DNAH11: variants seen among roughly 807,000 people sequenced by gnomAD.
DNAH11 encodes axonemal beta dynein heavy chain 11.
DNAH11 carries 442 observed loss-of-function variants against 526.0 expected under a neutral mutation model. The ratio of observed to expected loss-of-function variants is 0.84; its 90% CI spans 0.78 to 0.91. DNAH11 has a LOEUF of 0.91. Among genes scored for constraint, DNAH11 ranks in the 40% least tolerant of loss-of-function variants. The pLI, the probability that DNAH11 is intolerant of heterozygous loss-of-function variation, is 0.00. For synonymous variants in DNAH11, 2,461 were observed against 1,935.9 expected (o/e 1.27, Z -7.12); for missense variants, 6,989 against 5,448.7 (o/e 1.28, Z -8.90).
intron 66 of DNAH11, among the ~76,000 whole-genome samples, chr7:21,844,377 A>G (rs1306204747): frequency 6.6e-6 from 1 of 152,248 alleles, no homozygotes; most frequent in Non-Finnish European, 1.5e-5. Flanking sequence ...GTGTGCCAGG[A>G]TAGTGCCACT....
chr7:21,597,286 T>G (rs1250170464), intron 14 of DNAH11, among the ~76,000 whole-genome samples: 2 of 152,082 alleles, frequency 1.3e-5, no homozygotes, highest in African/African-American at 4.8e-5. Context: ...GACCGTGACA[T>G]GATGGGAAAG....
At chr7:21,549,118 A>T (rs1782919323) in intron 2 of DNAH11, among the ~76,000 whole-genome samples, 1 of 152,092 alleles carries the variant, frequency 6.6e-6, no homozygotes, top group Non-Finnish European at 1.5e-5. Context: ...ACCTCAGGTG[A>T]TACACTCACC....
chr7:21,893,133 T>A (rs1256036770), intron 77 of DNAH11, among the ~76,000 whole-genome samples: 1 of 152,222 alleles, frequency 6.6e-6, no homozygotes, highest in East Asian at 1.9e-4. Flanking sequence ...ACCATGAACA[T>A]TCTTCTGCAG....
At chr7:21,749,547 T>C in intron 52 of DNAH11, 131 bp from the exon 53 acceptor site, 1 of 1,190,478 alleles carries the variant, frequency 8.4e-7, no homozygotes, top group South Asian at 1.7e-5. Flanking sequence ...AGAAGGAATA[T>C]GTAAACCAGG....
intron 6 of DNAH11, among the ~76,000 whole-genome samples, chr7:21,568,654 C>T (rs145976540): frequency 3.3e-5 from 5 of 152,270 alleles, no homozygotes; most frequent in Non-Finnish European, 5.9e-5. Context: ...ATTGTCTCAT[C>T]TATGCGAGGG....
At chr7:21,789,808 T>TCTTTCTTTCTTTCTTC in intron 61 of DNAH11, among the ~76,000 whole-genome samples, 3 of 34,084 alleles carry the variant, frequency 8.8e-5, no homozygotes, top group African/African-American at 2.4e-4. Flanking sequence ...TTTCTTTCTT[T>TCTTTCTTTCTTTCTTC]TTTCTTTCTT....
intron 9 of DNAH11, among the ~76,000 whole-genome samples, chr7:21,582,548 T>C (rs1784348121): frequency 6.6e-6 from 1 of 152,170 alleles, no homozygotes; most frequent in African/African-American, 2.4e-5. Context: ...GCATAATGTA[T>C]TTCAGTCGCA....
chr7:21,623,974 TAATAA>T (rs942990206), intron 25 of DNAH11, among the ~76,000 whole-genome samples: 27 of 150,650 alleles, frequency 1.8e-4, no homozygotes, highest in Admixed American at 7.9e-4. Flanking sequence ...ATAATAATAA[TAATAA>T]AATAAAAATA....
At position 21,718,042 on chromosome 7, in the gene DNAH11, G is replaced by T. The variant is rs563064872; in HGVS notation, c.7134+117G>T. ...AGTGAGAAGATTTCTGGAATTGTTA[G>T]ATTGCTGCAACCCTCTTGCCCCCGC... On this transcript the variant is annotated intron_variant, in intron 43 of 81. Transcript: ENST00000409508. The T allele has an allele frequency of 3.2e-4, 447 of 1,417,368 alleles. 1 individual carries two copies. The highest frequency in any genetic ancestry group is 2.1e-3 in the Middle Eastern group (11 of 5,188). 87.8% of individuals were successfully genotyped at this position (1,417,368 alleles called of 1,614,324 possible). A position where few individuals can be genotyped will look rare whatever the true frequency, so the allele number is the denominator to read the frequency against.
At position 21,839,129 on chromosome 7, in the gene DNAH11, T is replaced by A. The variant is rs150598267; in HGVS notation, c.10692-3415T>A. ...TCTTTTCATATGCTTATTGGTCATT[T>A]GTGTTTCTTCTTTGGAGAAATGTTT... is the stretch of plus-strand genomic sequence containing the variant. On this transcript the variant is annotated intron_variant, in intron 65 of 81. Transcript: ENST00000409508. Among the ~76,000 whole-genome samples, 744 of 152,316 alleles carry A rather than the reference T, an allele frequency of 4.9e-3. 4 individuals carry two copies. The highest frequency in any genetic ancestry group is 0.017 in the African/African-American group (706 of 41,570).
intron 30 of DNAH11, among the ~76,000 whole-genome samples, chr7:21,680,131 C>G (rs974927822): frequency 6.6e-6 from 1 of 152,152 alleles, no homozygotes; most frequent in African/African-American, 2.4e-5. Context: ...GTATGACTTT[C>G]TCTAGCCTCC....
At position 21,707,657 on chromosome 7, in the gene DNAH11, T is replaced by C. The variant is rs180834587; in HGVS notation, c.6547-42T>C. On this transcript the variant is annotated intron_variant, in intron 39 of 81. Coordinates refer to ENST00000409508, the MANE Select transcript of DNAH11 (RefSeq NM_001277115.2). ...AATCTTTTACTTTCCATTTGGCTTA[T>C]GTTAGTATTAATTTTTTTGGCTCTT... 5,617 of 1,597,706 alleles carry C rather than the reference T, an allele frequency of 3.5e-3. 11 individuals are homozygous for C. The highest frequency in any genetic ancestry group is 5.9e-3 in the Admixed American group (333 of 56,916).
Position 21,686,705 on chromosome 7 carries a change from C to T in DNAH11, c.5622-394C>T, listed in dbSNP as rs1783390303. Among the ~76,000 whole-genome samples, 3 of 152,186 alleles carry T rather than the reference C, an allele frequency of 2.0e-5. No homozygotes were observed. The South Asian group carries it at 6.2e-4, about 32-fold the overall frequency. On this transcript the variant is annotated intron_variant, in intron 32 of 81. Transcript: ENST00000409508. ...AGTTTAATACAGCCAATGTTTAATTCATTCATCATCTAAGACTTCTCTTCT... is the reference window on the plus strand; with the variant it reads ...AGTTTAATACAGCCAATGTTTAATTTATTCATCATCTAAGACTTCTCTTCT...
intron 81 of DNAH11, among the ~76,000 whole-genome samples, chr7:21,900,416 A>G (rs1472128064): frequency 1.3e-5 from 2 of 152,146 alleles, no homozygotes; most frequent in Admixed American, 6.5e-5. Flanking sequence ...TTGCTTTTCA[A>G]TATAATCATT....
chr7:21,875,682 A>C (rs904927036), intron 74 of DNAH11, among the ~76,000 whole-genome samples: 1 of 152,102 alleles, frequency 6.6e-6, no homozygotes, highest in African/African-American at 2.4e-5. Flanking sequence ...ATAAGTGTTA[A>C]AAATATGTTG....
At chr7:21,804,593 A>G (rs1789168045) in intron 62 of DNAH11, among the ~76,000 whole-genome samples, 1 of 152,052 alleles carries the variant, frequency 6.6e-6, no homozygotes, top group Non-Finnish European at 1.5e-5. Flanking sequence ...TTCTGGCCCA[A>G]AGCTTTTGAA....
intron 30 of DNAH11, among the ~76,000 whole-genome samples, chr7:21,676,786 G>A (rs949505155): frequency 1.3e-5 from 2 of 152,178 alleles, no homozygotes; most frequent in African/African-American, 4.8e-5. Flanking sequence ...CCAAATACTG[G>A]TAGTGGTGTA....
chr7:21,894,530 T>C (rs895488392), intron 77 of DNAH11, 93 bp from the exon 78 acceptor site: 2 of 1,323,800 alleles, frequency 1.5e-6, no homozygotes, highest in African/African-American at 2.9e-5. Flanking sequence ...TCGTATGATA[T>C]ATTCTGTAAC....
At chr7:21,604,196 G>C (rs1352422449) in intron 18 of DNAH11, among the ~76,000 whole-genome samples, 2 of 152,160 alleles carry the variant, frequency 1.3e-5, no homozygotes, top group Non-Finnish European at 2.9e-5. Context: ...ACTAAGAGTT[G>C]AAGTATTACT....
Sources: allele counts gnomAD v4.1 joint callset (sites outside exome capture counted in the v4.1 genomes callset), GRCh38; gene constraint gnomAD v4.1.1; transcripts MANE v1.5; gene names NCBI Gene and HGNC (gene_info 2026-07-23, HGNC 2026-07-21).